Variants in SLC41A1 observed in about 807,000 individuals in gnomAD.
SLC41A1 encodes the protein solute carrier family 41 member 1.
In SLC41A1, 20 loss-of-function variants were observed where a neutral mutation model predicts 47.3. The ratio of observed to expected loss-of-function variants is 0.42; its 90% CI spans 0.30 to 0.61. The LOEUF is 0.61. Ranked by LOEUF, SLC41A1 falls within the 20% of genes least tolerant of loss-of-function variation. The probability of loss-of-function intolerance (pLI) is 0.17; values close to 1 mark genes in which losing one functional copy is unlikely to be tolerated. For missense variants in SLC41A1, 504 were observed against 674.1 expected, an observed-to-expected ratio of 0.75 and a Z score of 2.79; for synonymous variants, 282 against 272.7, an observed-to-expected ratio of 1.03 and a Z score of -0.34.
At chr1:205,807,351 G>T (rs554648567) in intron 2 of SLC41A1, among the ~76,000 whole-genome samples, 1 of 152,152 alleles carries the variant, frequency 6.6e-6, no homozygotes, top group Admixed American at 6.6e-5. Context: ...CACACCAAGT[G>T]GACCCTAGCT....
rs1162554563 is a variant in SLC41A1 at position 205,810,547 on chromosome 1, G to A, written c.-106C>T. On this transcript the variant is annotated 5_prime_UTR_variant, in exon 2 of 11. Coordinates refer to ENST00000367137, the MANE Select transcript of SLC41A1 (RefSeq NM_173854.6). This position sits in a 1 kb window ranked among gnomAD's most constrained non-coding sequence, Gnocchi z 5.5. ...TTAGTCTTGGGGTGAACCCAGGCTT[G>A]GGCGCCGCAGGACCTCTTCCCACGG... is the stretch of plus-strand genomic sequence containing the variant. The A allele has an allele frequency of 1.3e-6, 2 of 1,575,544 alleles. No individual in the cohort carries two copies. The highest frequency in any genetic ancestry group is 1.1e-5 in the South Asian group (1 of 88,942).
At chr1:205,807,705 G>A (rs1054971157) in intron 2 of SLC41A1, among the ~76,000 whole-genome samples, 2 of 143,546 alleles carry the variant, frequency 1.4e-5, no homozygotes, top group Admixed American at 1.4e-4. Flanking sequence ...GCTGAGGCTG[G>A]AGTGCAGTGG....
chr1:205,810,265 C>A lies in SLC41A1; in HGVS notation c.177G>T (p.Gly59=). 6.2e-7 allele frequency: 1 copy of A among 1,614,196 alleles called. No homozygotes were observed. Among genetic ancestry groups the A allele is most frequent in the Non-Finnish European group, 8.5e-7 (1 of 1,180,022 alleles). Residue 59 remains glycine, a synonymous_variant, in exon 2 of 11, where the codon GGG becomes GGT. Transcript: ENST00000367137. This position sits in a 1 kb window ranked among gnomAD's most constrained non-coding sequence, Gnocchi z 5.5. ...CCAGCAGGGCGTCCTCCTCCCGAAC[C>A]CCCTTGGCGTTGGCCCGAGACTCAA... ...VVIESRANAK[G]VREEDALLEN...
At chr1:205,795,809 AC>A (rs779229655) in intron 8 of SLC41A1, 44 of 420,338 alleles carry the variant, frequency 1.0e-4, no homozygotes, top group Non-Finnish European at 1.7e-4. Context: ...TGACTTCTCC[AC>A]CAGTAGAGCA....
At chr1:205,803,407 G>T (rs1655935004) in intron 2 of SLC41A1, among the ~76,000 whole-genome samples, 1 of 152,106 alleles carries the variant, frequency 6.6e-6, no homozygotes, top group African/African-American at 2.4e-5. Context: ...ACCAAGAGGT[G>T]GAAGCAACCC....
chr1:205,798,061 C>G lies in SLC41A1; in HGVS notation c.845-10G>C, dbSNP rs1471322780. ...ATGTATCGCCAGTGATCTGAGAGGG[C>G]AGAGGTCAGAAGGAGATAAGCACTG... is the stretch of plus-strand genomic sequence containing the variant. On this transcript the variant is annotated splice_polypyrimidine_tract_variant and intron_variant, in intron 6 of 10. Coordinates refer to ENST00000367137, the MANE Select transcript of SLC41A1 (RefSeq NM_173854.6). The G allele has an allele frequency of 6.2e-7, 1 of 1,614,024 alleles. No individual in the cohort carries two copies. Among genetic ancestry groups the G allele is most frequent in the African/African-American group, 1.3e-5 (1 of 74,912 alleles).
rs113230017 is a variant in SLC41A1 at position 205,799,116 on chromosome 1, G to A, written c.553-15C>T. On this transcript the variant is annotated splice_polypyrimidine_tract_variant and intron_variant, in intron 4 of 10. Transcript: ENST00000367137. ...GTGGCCTGCACCTGGGGACAGGAGT[G>A]GTAACTCAGAAAGCCCTGAGAGCAG... The A allele has an allele frequency of 3.7e-6, 6 of 1,611,464 alleles. 1 individual carries two copies. The African/African-American group carries it at 6.7e-5, about 18-fold the overall frequency.
chr1:205,812,807 C>T lies in SLC41A1; in HGVS notation c.-647+1G>A, dbSNP rs1278423603. 3 of 984,208 alleles carry T rather than the reference C, an allele frequency of 3.0e-6. No homozygotes were observed. The Admixed American group carries it at 1.8e-4, about 61-fold the overall frequency. The allele number at this position is 984,208 out of a possible 1,614,324, so 61.0% of individuals were successfully genotyped here. On this transcript the variant is annotated splice_donor_variant, in intron 1 of 10. Coordinates refer to ENST00000367137, the MANE Select transcript of SLC41A1 (RefSeq NM_173854.6). LOFTEE classifies it low-confidence loss of function (5UTR_SPLICE). ...CCGCCCCAGGACCCCACAGGACTGA[C>T]CTGCCCCTCGCCTGGGAGGAAGGGG...
rs1275809099 is a variant in SLC41A1 at position 205,789,134 on chromosome 1, CAGTTA to C, written c.*2394_*2398del. On this transcript the variant is annotated 3_prime_UTR_variant, in exon 11 of 11. Transcript: ENST00000367137. ...CTTTATTTTACCAAATATAATTTAT[CAGTTA>C]AGTTGACATTTGTCAATTCAGTTAT... 2 of 152,330 alleles carry C rather than the reference CAGTTA, an allele frequency of 1.3e-5. No homozygotes were observed. Among genetic ancestry groups the C allele is most frequent in the South Asian group, 2.1e-4 (1 of 4,826 alleles). 9.4% of individuals were successfully genotyped at this position (152,330 alleles called of 1,614,324 possible).
At position 205,797,946 on chromosome 1, in the gene SLC41A1, T is replaced by A. The variant is rs1655786170; in HGVS notation, c.950A>T (p.Tyr317Phe). 2 of 1,613,240 alleles carry A rather than the reference T, an allele frequency of 1.2e-6. No individual in the cohort carries two copies. The highest frequency in any genetic ancestry group is 1.7e-6 in the Non-Finnish European group (2 of 1,179,698). ...AATGATAACAGGCTCCCAGCCCGAG[T>A]ACAACACCTCCCTTGTGGCTGGACT... ...RRSPATREVL[Y>F]SGWEPVIIAM... Residue 317 changes from tyrosine (Y) to phenylalanine (F), a missense_variant, in exon 7 of 11, where the codon TAC (tyrosine) becomes TTC (phenylalanine). Coordinates refer to ENST00000367137, the MANE Select transcript of SLC41A1 (RefSeq NM_173854.6).
intron 2 of SLC41A1, among the ~76,000 whole-genome samples, chr1:205,807,331 C>T (rs908959241): frequency 6.6e-6 from 1 of 152,150 alleles, no homozygotes; most frequent in Non-Finnish European, 1.5e-5. Flanking sequence ...ACAAACCTGT[C>T]ATTGTCATCC....
intron 9 of SLC41A1, 65 bp from the exon 10 acceptor site, chr1:205,795,083 T>A: frequency 6.3e-7 from 1 of 1,599,306 alleles, no homozygotes; most frequent in Non-Finnish European, 8.5e-7. Flanking sequence ...AGAAGGCCTT[T>A]CAAAGTCAGG....
Position 205,795,009 on chromosome 1 carries a change from G to A in SLC41A1, c.1217C>T (p.Ser406Phe). 6.2e-7 allele frequency: 1 copy of A among 1,613,980 alleles called. No individual in the cohort carries two copies. ...CTTFFSPDVN[S>F]RSARVLFLLV... The stretch of plus-strand genomic sequence containing the variant: ...GAGGAAGAGGACCCGGGCTGAGCGA[G>A]AATTCACATCTGGAATTGGGGAAAA... The change falls in exon 10 of 11, where the codon TCT (serine) becomes TTT (phenylalanine). Residue 406 changes from serine (S) to phenylalanine (F), a missense_variant. Around this residue, in one of 2 missense-constraint regions of SLC41A1, gnomAD observed 421 missense variants for 601.6 expected, o/e 0.70. Coordinates refer to ENST00000367137, the MANE Select transcript of SLC41A1 (RefSeq NM_173854.6).
chr1:205,795,646 G>A (rs1655733846), intron 8 of SLC41A1, 168 bp from the exon 9 acceptor site: 2 of 823,526 alleles, frequency 2.4e-6, no homozygotes, highest in African/African-American at 3.4e-5. Context: ...GAAGAGTAAG[G>A]CACTAAGAAG....
At chr1:205,799,667 A>C in intron 4 of SLC41A1, 92 bp downstream of exon 4, 1 of 1,389,500 alleles carries the variant, frequency 7.2e-7, no homozygotes, top group Non-Finnish European at 1.0e-6. Context: ...CTGGAGATTC[A>C]CTCAGGAGCC....
At position 205,798,697 on chromosome 1, in the gene SLC41A1, G is replaced by T. The variant is rs758200392; in HGVS notation, c.816C>A (p.Gly272=). Residue 272 remains glycine, a synonymous_variant, in exon 6 of 11, where the codon GGC becomes GGA. Transcript: ENST00000367137. ...GTTCCAGGTAGAGTCCCCAGCTGATGCCTGAGAGCAGCGCCAAGGTGATGA... is the reference window on the plus strand; with the variant it reads ...GTTCCAGGTAGAGTCCCCAGCTGATTCCTGAGAGCAGCGCCAAGGTGATGA... ...GDLITLALLS[G]ISWGLYLELN... is the part of the protein sequence containing the mutation. 1.9e-6 allele frequency: 3 copies of T among 1,614,080 alleles called. No homozygotes were observed. In the East Asian group the frequency reaches 6.7e-5, roughly 36 times the overall value.
At chr1:205,802,665 C>T (rs1655912713) in intron 2 of SLC41A1, among the ~76,000 whole-genome samples, 1 of 149,914 alleles carries the variant, frequency 6.7e-6, no homozygotes, top group Non-Finnish European at 1.5e-5. Flanking sequence ...TTGCAGTGAG[C>T]CAAGATCGCA....
chr1:205,804,851 C>T (rs577599705), intron 2 of SLC41A1, among the ~76,000 whole-genome samples: 5 of 152,252 alleles, frequency 3.3e-5, no homozygotes, highest in African/African-American at 9.6e-5. Flanking sequence ...TGTACATGTA[C>T]TCATAGAAAG....
chr1:205,799,922 C>A (rs1655841774), intron 3 of SLC41A1, 92 bp from the exon 4 acceptor site: 1 of 1,093,370 alleles, frequency 9.1e-7, no homozygotes, highest in South Asian at 1.3e-5. Context: ...TGAGGCAGTA[C>A]ATGTGGCCTA....
Sources: allele counts gnomAD v4.1 joint callset (sites outside exome capture counted in the v4.1 genomes callset), GRCh38; gene constraint gnomAD v4.1.1; regional missense constraint gnomAD v4.1.1; non-coding constraint Gnocchi (gnomAD v3.1); transcripts MANE v1.5; gene names NCBI Gene and HGNC (gene_info 2026-07-23, HGNC 2026-07-21).